Variants in TRPC7 observed in about 807,000 individuals in gnomAD.
The protein encoded by TRPC7 is short transient receptor potential channel 7.
Under a neutral mutation model 90.1 loss-of-function variants are expected in TRPC7, and 42 were observed. The observed-to-expected ratio is 0.47, with a 90% CI of 0.36 to 0.60. The LOEUF is 0.60. Ranked by LOEUF, TRPC7 falls within the 20% of genes least tolerant of loss-of-function variation. The pLI is 0.00. For synonymous variants in TRPC7, 451 were observed against 436.3 expected, an observed-to-expected ratio of 1.03 and a Z score of -0.42; for missense variants, 955 against 1,112.3, an observed-to-expected ratio of 0.86 and a Z score of 2.01.
chr5:136,362,399 G>A (rs1350205667), intron 1 of TRPC7, among the ~76,000 whole-genome samples: 1 of 152,094 alleles, frequency 6.6e-6, no homozygotes, highest in Admixed American at 6.6e-5. Flanking sequence ...AAGCCAGCCT[G>A]TAAAGACAAA....
intron 1 of TRPC7, among the ~76,000 whole-genome samples, chr5:136,363,660 A>G (rs1037659735): frequency 1.3e-5 from 2 of 152,150 alleles, no homozygotes; most frequent in African/African-American, 2.4e-5. Flanking sequence ...GCATCTTGGA[A>G]TAAAAATATT....
chr5:136,252,490 A>G (rs373126989), intron 5 of TRPC7, among the ~76,000 whole-genome samples: 2 of 152,288 alleles, frequency 1.3e-5, no homozygotes, highest in East Asian at 3.9e-4. Flanking sequence ...ATATGTCCTC[A>G]TTGTTACATA....
chr5:136,213,306 C>T lies in TRPC7; in HGVS notation c.*129G>A. On this transcript the variant is annotated 3_prime_UTR_variant, in exon 12 of 12. Transcript: ENST00000513104. ...GAGATGTCAGTCATGCTGCAAGAGACTGAGCCAGGAGATCCCCTTCGTGTC... is the reference window on the plus strand; with the variant it reads ...GAGATGTCAGTCATGCTGCAAGAGATTGAGCCAGGAGATCCCCTTCGTGTC... 2.1e-6 allele frequency: 2 copies of T among 941,186 alleles called. No homozygotes were observed. The highest frequency in any genetic ancestry group is 3.2e-6 in the Non-Finnish European group (2 of 629,924). 58.3% of individuals were successfully genotyped at this position (941,186 alleles called of 1,614,324 possible).
At chr5:136,248,036 G>A (rs1367084635) in intron 6 of TRPC7, among the ~76,000 whole-genome samples, 1 of 152,120 alleles carries the variant, frequency 6.6e-6, no homozygotes, top group African/African-American at 2.4e-5. Flanking sequence ...CCACGGGCTG[G>A]GCAGGTTCCC....
intron 6 of TRPC7, 120 bp downstream of exon 6, chr5:136,251,529 G>A: frequency 1.2e-6 from 1 of 824,920 alleles, no homozygotes; most frequent in Non-Finnish European, 1.9e-6. Flanking sequence ...AGTCGGCTGT[G>A]TTACAAATCA....
intron 3 of TRPC7, among the ~76,000 whole-genome samples, chr5:136,279,754 C>T (rs1404240759): frequency 6.6e-6 from 1 of 152,188 alleles, no homozygotes; most frequent in Non-Finnish European, 1.5e-5. Flanking sequence ...ATTTTCAACT[C>T]CTCCCCTTCC....
rs562940470 is a variant in TRPC7 at position 136,249,332 on chromosome 5, G to C, written c.1580-1597C>G. Among the ~76,000 whole-genome samples the C allele has an allele frequency of 2.6e-5, 4 of 152,276 alleles. No individual in the cohort carries two copies. The South Asian group carries it at 8.3e-4, about 32-fold the overall frequency. ...GGAAGCCAGGCCACAAAGTTTCATGGAGTGATTCTAAATTGCATTTGGAAA... is the reference window on the plus strand; with the variant it reads ...GGAAGCCAGGCCACAAAGTTTCATGCAGTGATTCTAAATTGCATTTGGAAA... On this transcript the variant is annotated intron_variant, in intron 6 of 11. Transcript: ENST00000513104.
intron 3 of TRPC7, among the ~76,000 whole-genome samples, chr5:136,293,193 G>A (rs1386766313): frequency 6.6e-6 from 1 of 152,140 alleles, no homozygotes; most frequent in Non-Finnish European, 1.5e-5. Context: ...ATACTGAATG[G>A]ACAAAAACTG....
chr5:136,250,414 T>A (rs112190636), intron 6 of TRPC7, among the ~76,000 whole-genome samples: 10 of 152,238 alleles, frequency 6.6e-5, no homozygotes, highest in Non-Finnish European at 1.3e-4. Flanking sequence ...AACAGGGACA[T>A]TCAACACTCA....
intron 5 of TRPC7, among the ~76,000 whole-genome samples, chr5:136,265,241 C>A (rs1176343981): frequency 6.6e-6 from 1 of 152,134 alleles, no homozygotes; most frequent in East Asian, 1.9e-4. Flanking sequence ...GTTCAGAAAG[C>A]AAAATCTAAG....
At chr5:136,258,514 A>G (rs970220482) in intron 5 of TRPC7, among the ~76,000 whole-genome samples, 5 of 152,058 alleles carry the variant, frequency 3.3e-5, no homozygotes, top group African/African-American at 7.2e-5. Context: ...CTTCAGGCAA[A>G]ATTTCCCTCA....
intron 10 of TRPC7, among the ~76,000 whole-genome samples, chr5:136,220,649 G>A (rs557873794): frequency 6.6e-6 from 1 of 150,688 alleles, no homozygotes; most frequent in African/African-American, 2.4e-5. Flanking sequence ...TTTTGATTTT[G>A]CCCTTTGCCT....
chr5:136,224,701 G>A (rs1007124231), intron 10 of TRPC7, among the ~76,000 whole-genome samples: 15 of 152,044 alleles, frequency 9.9e-5, no homozygotes, highest in South Asian at 2.1e-4. Context: ...CTTAAAGCGC[G>A]AATACAATTT....
chr5:136,291,801 A>C, intron 3 of TRPC7, among the ~76,000 whole-genome samples: 1 of 152,220 alleles, frequency 6.6e-6, no homozygotes, highest in Non-Finnish European at 1.5e-5. Flanking sequence ...CCTAATAGAC[A>C]TCTACAGAAC....
intron 7 of TRPC7, among the ~76,000 whole-genome samples, chr5:136,240,135 C>A (rs1264270317): frequency 6.6e-6 from 1 of 152,228 alleles, no homozygotes; most frequent in Non-Finnish European, 1.5e-5. Context: ...GCCATCTACC[C>A]AAATGCCTTC....
At chr5:136,275,423 A>T (rs1757335036) in intron 3 of TRPC7, among the ~76,000 whole-genome samples, 1 of 151,922 alleles carries the variant, frequency 6.6e-6, no homozygotes, top group South Asian at 2.1e-4. Context: ...ATGTAGTCTA[A>T]GGAAAAATGC....
At position 136,365,496 on chromosome 5, in the gene TRPC7, CG is replaced by C. The variant is rs1231312410; in HGVS notation, c.-243del. On this transcript the variant is annotated 5_prime_UTR_variant, in exon 1 of 12. The change creates a premature stop within an existing upstream ORF in the 5' untranslated region. Transcript: ENST00000513104. Reference sequence around the variant, plus strand: ...ACCGTGTTACCGTCCTTTTCCTAATCGGGGGGAAATTTCCCAGAGAACATGA... The same window carrying C: ...ACCGTGTTACCGTCCTTTTCCTAATCGGGGGAAATTTCCCAGAGAACATGA... The C allele has an allele frequency of 3.6e-6, 2 of 562,926 alleles. No homozygotes were observed. The highest frequency in any genetic ancestry group is 1.9e-5 in the African/African-American group (1 of 53,466). 34.9% of individuals were successfully genotyped at this position (562,926 alleles called of 1,614,324 possible).
Position 136,239,148 on chromosome 5 carries a change from C to CATTA in TRPC7, c.1845-7603_1845-7600dup, listed in dbSNP as rs553238496. 9.2e-5 allele frequency among the ~76,000 whole-genome samples: 14 copies of CATTA among 152,192 alleles called. No individual in the cohort carries two copies. In the South Asian group the frequency reaches 2.3e-3, roughly 25 times the overall value. On this transcript the variant is annotated intron_variant, in intron 7 of 11. Transcript: ENST00000513104. ...TCCCAAACACCCTATGCCTAACTTGCATTAATTAATTAATTAATTTTTGAG... is the reference window on the plus strand; with the variant it reads ...TCCCAAACACCCTATGCCTAACTTGCATTAATTAATTAATTAATTAATTTTTGAG...
Position 136,318,975 on chromosome 5 carries a change from T to A in TRPC7, c.781-3196A>T, listed in dbSNP as rs544623217. Among the ~76,000 whole-genome samples the A allele has an allele frequency of 5.9e-5, 9 of 152,228 alleles. No homozygotes were observed. In the East Asian group the frequency reaches 1.7e-3, roughly 29 times the overall value. On this transcript the variant is annotated intron_variant, in intron 2 of 11. Coordinates refer to ENST00000513104, the MANE Select transcript of TRPC7 (RefSeq NM_020389.3). ...GGATAAAAGCCTGACCTTGGTTGGG[T>A]CTAACTCTCTACCAGTGTGTTCTTG... is the stretch of plus-strand genomic sequence containing the variant.
Sources: gnomAD v4.1 joint callset for allele counts (sites outside exome capture counted in the v4.1 genomes callset) on GRCh38, gnomAD v4.1.1 for gene constraint, MANE v1.5 for transcripts, NCBI Gene and HGNC (gene_info 2026-07-23, HGNC 2026-07-21) for gene names.